Variants in LRRIQ1 observed in about 807,000 individuals in gnomAD.
The protein encoded by LRRIQ1 is leucine-rich repeat- and IQ domain-containing protein 1.
In LRRIQ1, 210 loss-of-function variants were observed where a neutral mutation model predicts 211.9. The observed-to-expected ratio is 0.99, with a 90% CI of 0.89 to 1.11. LRRIQ1 has a LOEUF of 1.11. Ranked by LOEUF, LRRIQ1 falls within the 50% of genes most tolerant of loss-of-function variation. The pLI is 0.00. For synonymous variants in LRRIQ1, 699 were observed against 650.1 expected (o/e 1.08, Z -1.14); for missense variants, 2,136 against 1,939.5 (o/e 1.10, Z -1.90).
chr12:85,073,739 A>G (rs1425087155), intron 11 of LRRIQ1, among the ~76,000 whole-genome samples: 1 of 152,058 alleles, frequency 6.6e-6, no homozygotes, highest in African/African-American at 2.4e-5. Flanking sequence ...CAATGAAAAC[A>G]CTGTATTTAT....
intron 24 of LRRIQ1, among the ~76,000 whole-genome samples, chr12:85,192,484 GT>G (rs1892583686): frequency 8.4e-6 from 1 of 118,918 alleles, no homozygotes; most frequent in Admixed American, 1.1e-4. Flanking sequence ...AATATATATA[GT>G]TATATAATAT....
intron 6 of LRRIQ1, among the ~76,000 whole-genome samples, chr12:85,051,714 T>G (rs1211232567): frequency 6.6e-6 from 1 of 152,200 alleles, no homozygotes; most frequent in African/African-American, 2.4e-5. Context: ...GGGGTTGTAT[T>G]TTACTGATCT....
chr12:85,096,133 T>C (rs1214802525), intron 11 of LRRIQ1, among the ~76,000 whole-genome samples: 1 of 152,184 alleles, frequency 6.6e-6, no homozygotes, highest in Non-Finnish European at 1.5e-5. Context: ...GTTTATTCTT[T>C]GTGTGGATTT....
Position 85,046,100 on chromosome 12 carries a change from TC to T in LRRIQ1, c.419del (p.Pro140LeufsTer17), listed in dbSNP as rs1385025731. 6.2e-7 allele frequency: 1 copy of T among 1,609,988 alleles called. No homozygotes were observed. The highest frequency in any genetic ancestry group is 1.1e-5 in the South Asian group (1 of 90,530). ...CTCCTGATTTTGTTCCTGAGCCTAG[TC>T]CTCATGACTTGCCTATGGATGAACA... is the stretch of plus-strand genomic sequence containing the variant. ...ATPDFVPEPSPHDLPMDEHVL... is the reference protein window; with the variant it reads ...ATPDFVPEPSXHDLPMDEHVL... On this transcript the variant is annotated frameshift_variant, in exon 5 of 27. Coordinates refer to ENST00000393217, the MANE Select transcript of LRRIQ1 (RefSeq NM_001079910.2). LOFTEE classifies it high-confidence loss of function.
chr12:85,079,574 G>A (rs555878315), intron 11 of LRRIQ1, among the ~76,000 whole-genome samples: 1 of 151,820 alleles, frequency 6.6e-6, no homozygotes, highest in Non-Finnish European at 1.5e-5. Context: ...TTTCCAGTTT[G>A]TCTCTTTTTT....
rs776879343 is a variant in LRRIQ1 at position 85,153,770 on chromosome 12, A to G, written c.4637+12A>G. On this transcript the variant is annotated intron_variant, in intron 22 of 26. Transcript: ENST00000393217. The stretch of plus-strand genomic sequence containing the variant: ...ATTTCAGAAGAATGGTATGTAGTCA[A>G]TTTGACACTAATAAATTAAAAAATT... 7.6e-6 allele frequency: 11 copies of G among 1,443,966 alleles called. No homozygotes were observed. Among genetic ancestry groups the G allele is most frequent in the South Asian group, 5.2e-5 (4 of 76,858 alleles). The allele number at this position is 1,443,966 out of a possible 1,614,324, so 89.4% of individuals were successfully genotyped here.
At chr12:85,148,309 C>A (rs1387625952) in intron 19 of LRRIQ1, among the ~76,000 whole-genome samples, 4 of 151,848 alleles carry the variant, frequency 2.6e-5, no homozygotes, top group African/African-American at 9.7e-5. Context: ...TGCCTCCCCA[C>A]CCACCAACAG....
intron 24 of LRRIQ1, among the ~76,000 whole-genome samples, chr12:85,178,094 T>A (rs1167293146): frequency 3.9e-5 from 6 of 152,060 alleles, no homozygotes; most frequent in African/African-American, 1.4e-4. Flanking sequence ...TCGTTCAAAA[T>A]TTTTCTATCA....
At chr12:85,157,884 A>C (rs1337485396) in intron 23 of LRRIQ1, among the ~76,000 whole-genome samples, 1 of 151,794 alleles carries the variant, frequency 6.6e-6, no homozygotes, top group African/African-American at 2.4e-5. Context: ...AAAAAAGGCT[A>C]ATTTTTTATG....
chr12:85,091,130 G>A (rs779016990), intron 11 of LRRIQ1, among the ~76,000 whole-genome samples: 4 of 151,942 alleles, frequency 2.6e-5, no homozygotes, highest in Non-Finnish European at 4.4e-5. Flanking sequence ...TGCCTTTTAC[G>A]ATGATTGTAA....
At chr12:85,064,748 T>C (rs1413109308) in intron 8 of LRRIQ1, among the ~76,000 whole-genome samples, 1 of 151,862 alleles carries the variant, frequency 6.6e-6, no homozygotes, top group Non-Finnish European at 1.5e-5. Flanking sequence ...TGCATATGGA[T>C]ATCCAGTGTT....
rs199498370 is a variant in LRRIQ1 at position 85,056,720 on chromosome 12, G to T, written c.1927G>T (p.Glu643Ter). Residue 643 changes from glutamate (E) to a stop codon, truncating the protein, a stop_gained, in exon 8 of 27, where the codon GAG becomes TAG. Coordinates refer to ENST00000393217, the MANE Select transcript of LRRIQ1 (RefSeq NM_001079910.2). LOFTEE classifies it high-confidence loss of function. ...AATTTATTCAAAATCCAAAGAAATT[G>T]AGGAGAACCCAAAAGACAATGCTTG... ...KEIYSKSKEI[E>*]ENPKDNAWNS... 3.7e-6 allele frequency: 6 copies of T among 1,607,430 alleles called. No homozygotes were observed. The African/African-American group carries it at 8.1e-5, about 22-fold the overall frequency.
At chr12:85,065,836 A>G (rs1349694650) in intron 9 of LRRIQ1, among the ~76,000 whole-genome samples, 1 of 151,802 alleles carries the variant, frequency 6.6e-6, no homozygotes, top group African/African-American at 2.4e-5. Context: ...GAATGTCCTA[A>G]ATCACTTACC....
intron 24 of LRRIQ1, among the ~76,000 whole-genome samples, chr12:85,190,439 AGTTT>A (rs1892450565): frequency 1.4e-5 from 2 of 147,538 alleles, no homozygotes; most frequent in Non-Finnish European, 3.0e-5. Flanking sequence ...TATATCAAAT[AGTTT>A]AATATTAATA....
In LRRIQ1 at chr12:85,098,455, A is replaced by G; in HGVS notation, c.2988A>G (p.Leu996=). 1 of 1,611,528 alleles carries G rather than the reference A, an allele frequency of 6.2e-7. No individual in the cohort carries two copies. Among genetic ancestry groups the G allele is most frequent in the Non-Finnish European group, 8.5e-7 (1 of 1,178,516 alleles). The change falls in exon 12 of 27, where the codon CTA becomes CTG. Residue 996 remains leucine, a synonymous_variant. Transcript: ENST00000393217. The stretch of plus-strand genomic sequence containing the variant: ...GTGATACACCTACCATTGTATACCT[A>G]GATTGCTCCCATAATCATCTTACTG... ...GLCDTPTIVY[L]DCSHNHLTDV...
chr12:85,257,079 T>G (rs1371555294), intron 1 of LRRIQ1, among the ~76,000 whole-genome samples: 1 of 115,190 alleles, frequency 8.7e-6, no homozygotes, highest in African/African-American at 3.3e-5. Flanking sequence ...TATAAATATA[T>G]ATAATTATAT....
At chr12:85,169,582 T>C (rs1891314899) in intron 24 of LRRIQ1, among the ~76,000 whole-genome samples, 1 of 152,154 alleles carries the variant, frequency 6.6e-6, no homozygotes, top group Non-Finnish European at 1.5e-5. Context: ...TTCATCCTCT[T>C]TCTGCCTAAA....
chr12:85,049,213 T>A (rs1880009706), intron 6 of LRRIQ1, among the ~76,000 whole-genome samples: 1 of 152,186 alleles, frequency 6.6e-6, no homozygotes, highest in Non-Finnish European at 1.5e-5. Context: ...GGGTTGTTTG[T>A]TAGCTGCCTC....
intron 13 of LRRIQ1, among the ~76,000 whole-genome samples, chr12:85,102,217 TGTAAAG>T (rs1886401958): frequency 6.6e-6 from 1 of 151,514 alleles, no homozygotes; most frequent in South Asian, 2.1e-4. Flanking sequence ...CCACTAATTA[TGTAAAG>T]GTAAAGCCTG....
Sources: gnomAD v4.1 joint callset for allele counts (sites outside exome capture counted in the v4.1 genomes callset) on GRCh38, gnomAD v4.1.1 for gene constraint, MANE v1.5 for transcripts, NCBI Gene and HGNC (gene_info 2026-07-23, HGNC 2026-07-21) for gene names.